ATF3: variants seen among roughly 807,000 people sequenced by gnomAD.
The protein encoded by ATF3 is activating transcription factor 3.
ATF3 carries 10 observed loss-of-function variants against 18.4 expected under a neutral mutation model. That is an observed-to-expected ratio of 0.54 (90% CI 0.34 to 0.92). The LOEUF (loss-of-function observed/expected upper bound fraction) is 0.92. Ranked by LOEUF, ATF3 falls within the 40% of genes least tolerant of loss-of-function variation. ATF3 has a pLI of 0.02. For missense variants in ATF3, 183 were observed against 222.3 expected (o/e 0.82, Z 1.12); for synonymous variants, 78 against 87.9 (o/e 0.89, Z 0.63).
intron 1 of ATF3, among the ~76,000 whole-genome samples, chr1:212,596,063 G>C (rs537645465): frequency 3.3e-5 from 5 of 152,280 alleles, no homozygotes; most frequent in South Asian, 4.2e-4. Context: ...GTGGGGTGTG[G>C]CCCCAGTGGA....
intron 1 of ATF3, among the ~76,000 whole-genome samples, chr1:212,600,374 T>G (rs2102641081): frequency 6.6e-6 from 1 of 152,330 alleles, no homozygotes; most frequent in East Asian, 1.9e-4. Context: ...CCCTAACGTC[T>G]CCTCCCTTCC....
intron 1 of ATF3, among the ~76,000 whole-genome samples, chr1:212,609,609 C>T (rs1654807351): frequency 6.6e-6 from 1 of 152,172 alleles, no homozygotes; most frequent in African/African-American, 2.4e-5. Flanking sequence ...CGCGCTGTCC[C>T]GGGGCGGAAG....
chr1:212,567,651 T>A (rs1210365701), intron 1 of ATF3, among the ~76,000 whole-genome samples: 3 of 152,242 alleles, frequency 2.0e-5, no homozygotes, highest in Non-Finnish European at 4.4e-5. Flanking sequence ...AATTATTTAT[T>A]TTTTATAATG....
chr1:212,566,646 GTTCCT>G (rs1664388073), intron 1 of ATF3, among the ~76,000 whole-genome samples: 1 of 152,124 alleles, frequency 6.6e-6, no homozygotes, highest in Non-Finnish European at 1.5e-5. Flanking sequence ...CTCAGTTCCT[GTTCCT>G]TTCCCAGCAG....
rs1032061716 is a variant in ATF3 at position 212,619,458 on chromosome 1, G to A, written c.449G>A (p.Arg150Gln). The A allele has an allele frequency of 1.9e-6, 3 of 1,614,030 alleles. No individual in the cohort carries two copies. Among genetic ancestry groups the A allele is most frequent in the Non-Finnish European group, 2.5e-6 (3 of 1,180,034 alleles). The change falls in exon 4 of 4, where the codon CGG (arginine) becomes CAG (glutamine). Residue 150 changes from arginine (R) to glutamine (Q), a missense_variant. Transcript: ENST00000341491. The surrounding 1 kb of genome is among the most constrained non-coding windows in gnomAD (Gnocchi z 4.4). ...QHLIYMLNLHRPTCIVRAQNG... is the reference protein window; with the variant it reads ...QHLIYMLNLHQPTCIVRAQNG... ...TTGATATACATGCTCAACCTTCATC[G>A]GCCCACGTGTATTGTCCGGGCTCAG...
At chr1:212,578,755 C>G (rs1318419751) in intron 1 of ATF3, among the ~76,000 whole-genome samples, 3 of 152,102 alleles carry the variant, frequency 2.0e-5, no homozygotes, top group African/African-American at 7.2e-5. Context: ...GGTTTTCTGT[C>G]TTTTTCTCCC....
At position 212,598,269 on chromosome 1, in the gene ATF3, T is replaced by A. The variant is rs576944758; in HGVS notation, c.-4-16749T>A. On this transcript the variant is annotated intron_variant, in intron 1 of 3. Coordinates refer to the ATF3 transcript ENST00000366981. ...TATTTTGTTGTTTATTTATAGCTTT[T>A]ATTGAGTTATGATTGTTCTGTGTTG... is the stretch of plus-strand genomic sequence containing the variant. 2.0e-3 allele frequency among the ~76,000 whole-genome samples: 306 copies of A among 152,346 alleles called. 2 individuals are homozygous for A. The highest frequency in any genetic ancestry group is 7.1e-3 in the African/African-American group (296 of 41,586).
chr1:212,583,821 C>T (rs1440330654), intron 1 of ATF3, among the ~76,000 whole-genome samples: 1 of 152,180 alleles, frequency 6.6e-6, no homozygotes, highest in Non-Finnish European at 1.5e-5. Flanking sequence ...CGCTGGGCAT[C>T]AGTTTCCTTT....
chr1:212,614,888 A>G lies in ATF3; in HGVS notation c.-4-130A>G, dbSNP rs1318888167. On this transcript the variant is annotated intron_variant, in intron 1 of 3. Transcript: ENST00000341491. Reference sequence around the variant, plus strand: ...GGATGGCATGAAATGAAAACAAAACAGAAACCCAAGGGCTTATGGGACTTT... The same window carrying G: ...GGATGGCATGAAATGAAAACAAAACGGAAACCCAAGGGCTTATGGGACTTT... 2.0e-6 allele frequency: 3 copies of G among 1,535,572 alleles called. No individual in the cohort carries two copies. The Admixed American group carries it at 5.5e-5, about 28-fold the overall frequency.
Position 212,597,419 on chromosome 1 carries a change from T to TTATCTATCTATCTATCTATC in ATF3, c.-4-17586_-4-17567dup, listed in dbSNP as rs11404416. Among the ~76,000 whole-genome samples the TTATCTATCTATCTATCTATC allele has an allele frequency of 2.4e-3, 364 of 150,848 alleles. 2 individuals carry two copies. The highest frequency in any genetic ancestry group is 8.4e-3 in the East Asian group (43 of 5,094). ...ATTCTGGGTACTGAGTTACATCTAT[T>TTATCTATCTATCTATCTATC]TATCTATCTATCTATCTATCTATCT... is the stretch of plus-strand genomic sequence containing the variant. On this transcript the variant is annotated intron_variant, in intron 1 of 3. Coordinates refer to the ATF3 transcript ENST00000366981.
intron 1 of ATF3, among the ~76,000 whole-genome samples, chr1:212,612,416 G>A (rs1278932840): frequency 6.6e-6 from 1 of 152,106 alleles, no homozygotes; most frequent in Admixed American, 6.5e-5. Context: ...CGTGTAGAAG[G>A]GAGCCATCCA....
chr1:212,599,374 A>G lies in ATF3; in HGVS notation c.-4-15644A>G, dbSNP rs1654412228. Among the ~76,000 whole-genome samples the G allele has an allele frequency of 2.6e-5, 4 of 152,202 alleles. No individual in the cohort carries two copies. In the South Asian group the frequency reaches 8.3e-4, roughly 31 times the overall value. Reference sequence around the variant, plus strand: ...TGAGGGACCATTTCTGGTCTTCATTAATCACTTTATCAGAAAGCTAGCTGG... The same window carrying G: ...TGAGGGACCATTTCTGGTCTTCATTGATCACTTTATCAGAAAGCTAGCTGG... On this transcript the variant is annotated intron_variant, in intron 1 of 3. Coordinates refer to the ATF3 transcript ENST00000366981.
rs764050940 is a variant in ATF3 at position 212,619,078 on chromosome 1, C to A, written c.349-280C>A. ...GGCCCTTTTGGGTCCAGAAGACCTG[C>A]ATATGGGCTGTTGACTCATGCAAAT... On this transcript the variant is annotated intron_variant, in intron 3 of 3. Coordinates refer to ENST00000341491, the MANE Select transcript of ATF3 (RefSeq NM_001674.4). This position sits in a 1 kb window ranked among gnomAD's most constrained non-coding sequence, Gnocchi z 4.4. The A allele has an allele frequency of 6.2e-7, 1 of 1,614,204 alleles. No individual in the cohort carries two copies. The highest frequency in any genetic ancestry group is 8.5e-7 in the Non-Finnish European group (1 of 1,180,042).
chr1:212,610,724 T>G (rs1654860409), intron 1 of ATF3, among the ~76,000 whole-genome samples: 1 of 152,206 alleles, frequency 6.6e-6, no homozygotes, highest in African/African-American at 2.4e-5. Flanking sequence ...GTCTCCTCTG[T>G]GATTGGTACC....
chr1:212,612,582 G>A (rs1654939751), intron 1 of ATF3, among the ~76,000 whole-genome samples: 1 of 152,234 alleles, frequency 6.6e-6, no homozygotes, highest in Admixed American at 6.5e-5. Flanking sequence ...TTTATTGCCT[G>A]ACAGCGACAA....
Position 212,618,980 on chromosome 1 carries a change from G to T in ATF3, c.349-378G>T, listed in dbSNP as rs1300995170. On this transcript the variant is annotated intron_variant, in intron 3 of 3. Transcript: ENST00000341491. The surrounding 1 kb of genome is among the most constrained non-coding windows in gnomAD (Gnocchi z 4.4). ...CTATATACATTTTTTCTGGGGAGAT[G>T]AGCTTCTCATTGAGATCTGTGACTC... The T allele has an allele frequency of 6.3e-7, 1 of 1,598,084 alleles. No individual in the cohort carries two copies. Among genetic ancestry groups the T allele is most frequent in the African/African-American group, 1.3e-5 (1 of 74,558 alleles).
intron 1 of ATF3, among the ~76,000 whole-genome samples, chr1:212,589,629 G>C (rs1664844283): frequency 6.6e-6 from 1 of 151,144 alleles, no homozygotes; most frequent in Admixed American, 6.6e-5. Flanking sequence ...GTGGCAGTGA[G>C]CCAAGATTGC....
chr1:212,608,479 A>G (rs187898102), upstream of ATF3: 844 of 152,862 alleles, frequency 5.5e-3, 4 homozygotes, highest in Non-Finnish European at 8.8e-3. Context: ...CGGTCCTGAT[A>G]TGGAGAGAGA....
intron 1 of ATF3, among the ~76,000 whole-genome samples, chr1:212,611,766 T>G (rs1217313552): frequency 6.6e-6 from 1 of 152,358 alleles, no homozygotes; most frequent in Non-Finnish European, 1.5e-5. Flanking sequence ...AATTTCCAGT[T>G]AAAGGAATAC....
Sources: allele counts gnomAD v4.1 joint callset (sites outside exome capture counted in the v4.1 genomes callset), GRCh38; gene constraint gnomAD v4.1.1; non-coding constraint Gnocchi (gnomAD v3.1); transcripts MANE v1.5; gene names NCBI Gene and HGNC (gene_info 2026-07-23, HGNC 2026-07-21).